Variants in MCC observed in about 807,000 individuals in gnomAD.
MCC encodes the protein MCC regulator of Wnt signaling pathway, also known as colorectal mutant cancer protein.
In MCC, 90 loss-of-function variants were observed where a neutral mutation model predicts 116.2. The ratio of observed to expected loss-of-function variants is 0.77; its 90% CI spans 0.65 to 0.92. The LOEUF is 0.92. Ranked by LOEUF, MCC falls within the 40% of genes least tolerant of loss-of-function variation. The pLI is 0.00. For missense variants in MCC, 1,516 were observed against 1,312.2 expected (o/e 1.16, Z -2.40); for synonymous variants, 578 against 510.5 (o/e 1.13, Z -1.78).
At chr5:113,368,765 A>G (rs1048697426) in intron 2 of MCC, among the ~76,000 whole-genome samples, 7 of 152,132 alleles carry the variant, frequency 4.6e-5, no homozygotes, top group African/African-American at 1.7e-4. Flanking sequence ...ATTCAATTCA[A>G]TTCTTATACT....
At chr5:113,470,115 TG>T (rs1449248062) in intron 1 of MCC, among the ~76,000 whole-genome samples, 1 of 151,860 alleles carries the variant, frequency 6.6e-6, no homozygotes, top group Admixed American at 6.6e-5. Context: ...AGCACACTGA[TG>T]GGTCTTGACT....
chr5:113,258,846 A>C (rs534519287), intron 3 of MCC, among the ~76,000 whole-genome samples: 1 of 152,330 alleles, frequency 6.6e-6, no homozygotes, highest in East Asian at 1.9e-4. Flanking sequence ...AAATATATAA[A>C]GTAATATATC....
chr5:113,318,360 T>C (rs1277154656), intron 3 of MCC, among the ~76,000 whole-genome samples: 1 of 152,208 alleles, frequency 6.6e-6, no homozygotes, highest in Non-Finnish European at 1.5e-5. Flanking sequence ...CAGTCTTTCA[T>C]ATATCACCTT....
chr5:113,133,770 C>G (rs1244657086), intron 5 of MCC, among the ~76,000 whole-genome samples: 1 of 152,152 alleles, frequency 6.6e-6, no homozygotes, highest in Non-Finnish European at 1.5e-5. Flanking sequence ...CTCTTTCTTA[C>G]ATATCCTTGC....
intron 1 of MCC, among the ~76,000 whole-genome samples, chr5:113,388,467 A>G (rs1769326010): frequency 6.6e-6 from 1 of 152,180 alleles, no homozygotes; most frequent in South Asian, 2.1e-4. Flanking sequence ...TGTTTGGGTC[A>G]TGGGGGTTAA....
At chr5:113,400,371 C>T (rs1271105585) in intron 1 of MCC, among the ~76,000 whole-genome samples, 2 of 152,072 alleles carry the variant, frequency 1.3e-5, no homozygotes, top group Non-Finnish European at 2.9e-5. Flanking sequence ...CATCTGCCTT[C>T]CTCGGCCTCC....
intron 1 of MCC, among the ~76,000 whole-genome samples, chr5:113,478,732 G>T (rs1772297522): frequency 6.6e-6 from 1 of 152,236 alleles, no homozygotes; most frequent in Admixed American, 6.5e-5. Context: ...GGCTTTAAGG[G>T]TCTTTAGATA....
intron 6 of MCC, among the ~76,000 whole-genome samples, chr5:113,110,478 A>G (rs1043904024): frequency 1.3e-5 from 2 of 152,246 alleles, no homozygotes; most frequent in Non-Finnish European, 2.9e-5. Flanking sequence ...ACGGTACTTC[A>G]TACGTGGTGT....
At chr5:113,261,300 C>G (rs1765210647) in intron 3 of MCC, among the ~76,000 whole-genome samples, 1 of 152,122 alleles carries the variant, frequency 6.6e-6, no homozygotes, top group African/African-American at 2.4e-5. Flanking sequence ...AAGTGAAAAA[C>G]AGAATAGCTA....
chr5:113,356,347 T>C (rs979423672), intron 2 of MCC, among the ~76,000 whole-genome samples: 1 of 149,104 alleles, frequency 6.7e-6, no homozygotes, highest in Non-Finnish European at 1.5e-5. Context: ...ATATATAATA[T>C]GCCAGCAAAA....
intron 15 of MCC, among the ~76,000 whole-genome samples, chr5:113,050,429 G>C (rs959427855): frequency 2.0e-5 from 3 of 152,092 alleles, no homozygotes; most frequent in Admixed American, 6.6e-5. Context: ...CCACAGGCCT[G>C]GTGCACTCTC....
At chr5:113,215,643 G>A (rs1419241414) in intron 3 of MCC, among the ~76,000 whole-genome samples, 1 of 152,152 alleles carries the variant, frequency 6.6e-6, no homozygotes, top group Non-Finnish European at 1.5e-5. Context: ...CCCCTCCAAT[G>A]GATGCAGCAT....
At chr5:113,038,390 TG>T (rs1444733861) in intron 17 of MCC, among the ~76,000 whole-genome samples, 2 of 152,076 alleles carry the variant, frequency 1.3e-5, no homozygotes, top group East Asian at 3.9e-4. Flanking sequence ...TCTTTCTGTG[TG>T]GGGACTGAGG....
At chr5:113,143,677 G>A (rs184587012) in intron 4 of MCC, among the ~76,000 whole-genome samples, 1 of 152,256 alleles carries the variant, frequency 6.6e-6, no homozygotes, top group African/African-American at 2.4e-5. Context: ...ACAGGCAAGT[G>A]GTCCAAGCTA....
At chr5:113,110,562 A>G (rs1018010089) in intron 6 of MCC, among the ~76,000 whole-genome samples, 1 of 152,232 alleles carries the variant, frequency 6.6e-6, no homozygotes, top group African/African-American at 2.4e-5. Flanking sequence ...TCTTATGTTA[A>G]CCTTCAGTTA....
intron 2 of MCC, 29 bp downstream of exon 2, chr5:113,384,939 C>T: frequency 6.2e-7 from 1 of 1,612,558 alleles, no homozygotes; most frequent in Middle Eastern, 1.7e-4. Context: ...CAGTGGAGTG[C>T]CATAAAACTG....
At position 113,320,271 on chromosome 5, in the gene MCC, C is replaced by CAT. The variant is rs1156722423; in HGVS notation, c.627+20247_627+20248insAT. Among the ~76,000 whole-genome samples the CAT allele has an allele frequency of 2.9e-4, 44 of 152,152 alleles. 1 individual carries two copies. The highest frequency in any genetic ancestry group is 1.1e-3 in the African/African-American group (44 of 41,482). On this transcript the variant is annotated intron_variant, in intron 3 of 18. Transcript: ENST00000408903. ...CTACTATGTAGTACACACACACACA[C>CAT]ACAATTAGTTGTTTGTTTTTAAAAA... is the stretch of plus-strand genomic sequence containing the variant.
chr5:113,114,811 C>A (rs1013455788), intron 6 of MCC, among the ~76,000 whole-genome samples: 4 of 152,184 alleles, frequency 2.6e-5, no homozygotes, highest in Non-Finnish European at 5.9e-5. Context: ...GCTCCCCTTC[C>A]TGCTGAGAGC....
intron 1 of MCC, among the ~76,000 whole-genome samples, chr5:113,441,729 A>T (rs1771048870): frequency 6.6e-6 from 1 of 151,976 alleles, no homozygotes; most frequent in Non-Finnish European, 1.5e-5. Flanking sequence ...TTCAACTCCC[A>T]CTTATGAGTG....
Sources: allele counts gnomAD v4.1 joint callset (sites outside exome capture counted in the v4.1 genomes callset), GRCh38; gene constraint gnomAD v4.1.1; transcripts MANE v1.5; gene names NCBI Gene and HGNC (gene_info 2026-07-23, HGNC 2026-07-21).